Variants in CASQ2 observed in about 807,000 individuals in gnomAD.
CASQ2 encodes the protein calsequestrin 2.
A neutral mutation model predicts 46.5 loss-of-function variants in CASQ2; 49 were observed. That is an observed-to-expected ratio of 1.05 (90% CI 0.84 to 1.34). The LOEUF is 1.34. CASQ2 is among the 40% of genes most tolerant of loss of function. The pLI is 0.00. For missense variants in CASQ2, 486 were observed against 481.3 expected, an observed-to-expected ratio of 1.01 and a Z score of -0.09; for synonymous variants, 174 against 168.5, an observed-to-expected ratio of 1.03 and a Z score of -0.25.
intron 6 of CASQ2, 31 bp downstream of exon 6, chr1:115,726,961 G>GCCCCCACCCC: frequency 2.2e-6 from 3 of 1,358,406 alleles, no homozygotes; most frequent in Non-Finnish European, 3.1e-6. Context: ...CAGACCCCAG[G>GCCCCCACCCC]CCCCCAGCCC....
At chr1:115,730,075 G>T (rs1434402308) in intron 5 of CASQ2, among the ~76,000 whole-genome samples, 2 of 152,116 alleles carry the variant, frequency 1.3e-5, no homozygotes, top group African/African-American at 2.4e-5. Flanking sequence ...CTTGATTTAG[G>T]ATTAGTATTA....
At chr1:115,726,879 C>T (rs545144718) in intron 6 of CASQ2, 113 bp downstream of exon 6, 1 of 789,366 alleles carries the variant, frequency 1.3e-6, no homozygotes, top group African/African-American at 1.7e-5. Context: ...TTCTGTACTG[C>T]TGGGGTACTA....
intron 8 of CASQ2, among the ~76,000 whole-genome samples, chr1:115,711,254 C>T (rs949068213): frequency 6.6e-5 from 10 of 152,182 alleles, no homozygotes; most frequent in African/African-American, 2.4e-4. Flanking sequence ...GGGCCAAGCT[C>T]TTAAAGTGGG....
At chr1:115,747,185 T>G (rs529038778) in intron 1 of CASQ2, among the ~76,000 whole-genome samples, 1 of 152,210 alleles carries the variant, frequency 6.6e-6, no homozygotes, top group East Asian at 1.9e-4. Context: ...TTTCTTTTTT[T>G]GCCAATAGAT....
intron 8 of CASQ2, among the ~76,000 whole-genome samples, chr1:115,710,235 G>A (rs141075648): frequency 2.4e-4 from 36 of 152,290 alleles, no homozygotes; most frequent in Middle Eastern, 3.4e-3. Context: ...CACTTACTGG[G>A]TACTGAGTAC....
rs1647612471 is a variant in CASQ2 at position 115,726,929 on chromosome 1, A to G, written c.737+63T>C. On this transcript the variant is annotated intron_variant, in intron 6 of 10. Transcript: ENST00000261448. Reference sequence around the variant, plus strand: ...CTTGGCAGGTCTGAAATGTTAGCACAGAGAGGCTCCTCTCCATTCCCCAGA... The same window carrying G: ...CTTGGCAGGTCTGAAATGTTAGCACGGAGAGGCTCCTCTCCATTCCCCAGA... The G allele has an allele frequency of 2.2e-6, 3 of 1,365,398 alleles. No individual in the cohort carries two copies. In the Admixed American group the frequency reaches 5.7e-5, roughly 26 times the overall value. The allele number at this position is 1,365,398 out of a possible 1,614,324, so 84.6% of individuals were successfully genotyped here. A position where few individuals can be genotyped will look rare whatever the true frequency, so the allele number is the denominator to read the frequency against.
At chr1:115,761,497 GAGAAGAAGAAGAAGAAGAA>G (rs1648957021) in intron 1 of CASQ2, among the ~76,000 whole-genome samples, 1 of 18,938 alleles carries the variant, frequency 5.3e-5, no homozygotes. Flanking sequence ...GGAGAAGAAG[GAGAAGAAGAAGAAGAAGAA>G]GAAGAAGAAG....
chr1:115,724,627 A>T (rs4543791), intron 7 of CASQ2, among the ~76,000 whole-genome samples: 12,942 of 152,238 alleles, frequency 0.085, 632 homozygotes, highest in Middle Eastern at 0.12. Flanking sequence ...CCCTCTATCT[A>T]ACACTGTTTG....
At chr1:115,730,793 G>T (rs1411695141) in intron 5 of CASQ2, among the ~76,000 whole-genome samples, 1 of 152,076 alleles carries the variant, frequency 6.6e-6, no homozygotes, top group African/African-American at 2.4e-5. Context: ...CCGCATTAGT[G>T]CTTTCTTGTC....
At chr1:115,751,620 C>T (rs760750146) in intron 1 of CASQ2, among the ~76,000 whole-genome samples, 20 of 151,660 alleles carry the variant, frequency 1.3e-4, no homozygotes, top group South Asian at 1.0e-3. Flanking sequence ...TGCAGTGAGC[C>T]GAGATTGCGC....
chr1:115,757,490 C>T (rs541106624), intron 1 of CASQ2, among the ~76,000 whole-genome samples: 1 of 152,328 alleles, frequency 6.6e-6, no homozygotes, highest in African/African-American at 2.4e-5. Context: ...ATACCTGAAT[C>T]CTGTGTGTGT....
In CASQ2 at chr1:115,761,452, A is replaced by G. The variant is rs369336507; in HGVS notation, c.234+6856T>C. On this transcript the variant is annotated intron_variant, in intron 1 of 10. Coordinates refer to ENST00000261448, the MANE Select transcript of CASQ2 (RefSeq NM_001232.4). ...AAGAAGAAGAAGAAAGAAGAAGAAGAAGAAGAAGAAGGAGAAGAAGAAGAA... is the reference window on the plus strand; with the variant it reads ...AAGAAGAAGAAGAAAGAAGAAGAAGGAGAAGAAGAAGGAGAAGAAGAAGAA... Among the ~76,000 whole-genome samples the G allele has an allele frequency of 1.0e-2, 76 of 7,610 alleles. 3 individuals are homozygous for G. The highest frequency in any genetic ancestry group is 0.018 in the East Asian group (4 of 222). The allele number at this position is 7,610 out of a possible 152,430, so 5.0% of individuals were successfully genotyped here.
chr1:115,762,835 G>A (rs548039315), intron 1 of CASQ2, among the ~76,000 whole-genome samples: 1 of 152,284 alleles, frequency 6.6e-6, no homozygotes, highest in African/African-American at 2.4e-5. Context: ...CAAGGTAGAA[G>A]GGGAAGAGGA....
At chr1:115,722,393 C>A (rs192670869) in intron 7 of CASQ2, among the ~76,000 whole-genome samples, 8 of 152,252 alleles carry the variant, frequency 5.3e-5, no homozygotes, top group Admixed American at 4.6e-4. Flanking sequence ...CCAATGAAAC[C>A]AGACACTGAA....
intron 7 of CASQ2, among the ~76,000 whole-genome samples, chr1:115,719,456 G>A (rs751864695): frequency 1.3e-5 from 2 of 152,206 alleles, no homozygotes; most frequent in Non-Finnish European, 2.9e-5. Context: ...CTGCTAGAAC[G>A]CATTTGGAAT....
chr1:115,702,896 G>A (rs577889890), intron 10 of CASQ2, 25 bp downstream of exon 10: 1 of 1,588,416 alleles, frequency 6.3e-7, no homozygotes, highest in South Asian at 1.1e-5. Flanking sequence ...GGGTGCCTGA[G>A]CAAGCCTTCA....
At chr1:115,760,167 G>A (rs1648890285) in intron 1 of CASQ2, among the ~76,000 whole-genome samples, 1 of 152,082 alleles carries the variant, frequency 6.6e-6, no homozygotes, top group South Asian at 2.1e-4. Flanking sequence ...GAGCTATACT[G>A]ACAGTTCCAA....
At chr1:115,758,739 C>G (rs1648843575) in intron 1 of CASQ2, among the ~76,000 whole-genome samples, 1 of 152,194 alleles carries the variant, frequency 6.6e-6, no homozygotes, top group Admixed American at 6.5e-5. Context: ...CTCGCTTCCT[C>G]TGGTGCTGTG....
intron 1 of CASQ2, among the ~76,000 whole-genome samples, chr1:115,752,898 A>C (rs10801976): frequency 0.27 from 41,543 of 152,170 alleles, 6,082 homozygotes; most frequent in East Asian, 0.43. Context: ...AGACCAAGAC[A>C]GTGTCAGTGG....
Sources: allele counts gnomAD v4.1 joint callset (sites outside exome capture counted in the v4.1 genomes callset), GRCh38; gene constraint gnomAD v4.1.1; transcripts MANE v1.5; gene names NCBI Gene and HGNC (gene_info 2026-07-23, HGNC 2026-07-21).